RBX1: variants seen among roughly 807,000 people sequenced by gnomAD.
RBX1 encodes E3 ubiquitin-protein ligase RBX1.
For synonymous variants in RBX1, 48 were observed against 47.9 expected (o/e 1.00, Z -0.01); for missense variants, 46 against 141.4 (o/e 0.33, Z 3.42).
chr22:40,953,662 G>A (rs1167567276), intron 2 of RBX1, 29 bp downstream of exon 2: 4 of 1,464,668 alleles, frequency 2.7e-6, no homozygotes, highest in East Asian at 2.3e-5. Context: ...ATGGGAGGAA[G>A]TTGAGAAGGT....
chr22:40,954,289 A>G (rs1278742716), intron 2 of RBX1, among the ~76,000 whole-genome samples: 1 of 151,072 alleles, frequency 6.6e-6, no homozygotes, highest in African/African-American at 2.4e-5. Context: ...AAAAAAGTCT[A>G]TCTGATCTAA....
chr22:40,955,068 T>C (rs2058321615), intron 2 of RBX1, among the ~76,000 whole-genome samples: 1 of 152,064 alleles, frequency 6.6e-6, no homozygotes, highest in African/African-American at 2.4e-5. Flanking sequence ...ATTACAAGCA[T>C]AAGCCACCAT....
chr22:40,961,338 G>A (rs987135691), intron 2 of RBX1, among the ~76,000 whole-genome samples: 2 of 150,840 alleles, frequency 1.3e-5, no homozygotes, highest in African/African-American at 4.9e-5. Flanking sequence ...TGCTGCCTTG[G>A]CCTCCCAAAG....
At position 40,951,482 on chromosome 22, in the gene RBX1, G is replaced by A. The variant is rs757942950; in HGVS notation, c.78+6G>A. The A allele has an allele frequency of 6.2e-7, 1 of 1,612,738 alleles. No individual in the cohort carries two copies. Among genetic ancestry groups the A allele is most frequent in the South Asian group, 1.1e-5 (1 of 90,970 alleles). On this transcript the variant is annotated splice_donor_region_variant and intron_variant, in intron 1 of 4. Transcript: ENST00000216225. ...AGCGCTTTGAAGTGAAAAAGGTTGG[G>A]TCTCGCCAGCGCCTTCCTCAGGGAA...
At chr22:40,965,797 G>A (rs2058352887) in intron 3 of RBX1, among the ~76,000 whole-genome samples, 1 of 152,170 alleles carries the variant, frequency 6.6e-6, no homozygotes, top group Non-Finnish European at 1.5e-5. Flanking sequence ...CCTTTGGCCA[G>A]GCTCACAATA....
intron 4 of RBX1, among the ~76,000 whole-genome samples, chr22:40,970,180 A>AC (rs1416642052): frequency 2.6e-5 from 4 of 151,414 alleles, no homozygotes; most frequent in East Asian, 1.9e-4. Context: ...ACATGGTGAA[A>AC]CCCCCTCTCT....
At position 40,972,476 on chromosome 22, in the gene RBX1, G is replaced by A. The variant is rs2058371669; in HGVS notation, c.315G>A (p.Lys105=). The A allele has an allele frequency of 6.2e-7, 1 of 1,606,676 alleles. No homozygotes were observed. Among genetic ancestry groups the A allele is most frequent in the East Asian group, 2.2e-5 (1 of 44,832 alleles). The change falls in exon 5 of 5, where the codon AAG becomes AAA. Residue 105 remains lysine, a splice_region_variant and synonymous_variant. Transcript: ENST00000216225. ...CAGAGTAATTTACTTTGTCTTTCAG[G>A]TATGGGCACTAGGAAAAGACTTCTT... ...PLDNREWEFQ[K]YGH
At chr22:40,953,750 G>A (rs2058317650) in intron 2 of RBX1, 117 bp downstream of exon 2, 2 of 706,712 alleles carry the variant, frequency 2.8e-6, no homozygotes, top group East Asian at 2.8e-5. Flanking sequence ...CTGAGCACTC[G>A]GTCTTCTGTA....
At chr22:40,969,324 A>G (rs981058013) in intron 4 of RBX1, among the ~76,000 whole-genome samples, 6 of 152,340 alleles carry the variant, frequency 3.9e-5, no homozygotes, top group Admixed American at 6.5e-5. Context: ...GTCAGTCCCT[A>G]TTGGTGGACA....
intron 2 of RBX1, among the ~76,000 whole-genome samples, chr22:40,960,751 C>T (rs1330683344): frequency 6.6e-6 from 1 of 151,836 alleles, no homozygotes; most frequent in African/African-American, 2.4e-5. Flanking sequence ...CTGCATAGAC[C>T]CTAGATCCCT....
intron 2 of RBX1, among the ~76,000 whole-genome samples, chr22:40,954,521 A>G (rs754440339): frequency 1.3e-4 from 20 of 152,208 alleles, no homozygotes; most frequent in Non-Finnish European, 2.5e-4. Flanking sequence ...CTGTCCTTAC[A>G]GTAGAAGGGA....
intron 1 of RBX1, among the ~76,000 whole-genome samples, chr22:40,952,073 G>A (rs2058312632): frequency 6.6e-6 from 1 of 152,030 alleles, no homozygotes; most frequent in Non-Finnish European, 1.5e-5. Context: ...ACGTCTGTTG[G>A]CTTTTCACAC....
rs183045378 is a variant in RBX1, at chr22:40,972,828, A to T, written c.*340A>T. 7.8e-5 allele frequency: 16 copies of T among 204,752 alleles called. No individual in the cohort carries two copies. The Admixed American group carries it at 8.4e-4, about 11-fold the overall frequency. The allele number at this position is 204,752 out of a possible 1,614,324, so 12.7% of individuals were successfully genotyped here. A position where few individuals can be genotyped will look rare whatever the true frequency, so the allele number is the denominator to read the frequency against. On this transcript the variant is annotated 3_prime_UTR_variant, in exon 5 of 5. Coordinates refer to ENST00000216225, the MANE Select transcript of RBX1 (RefSeq NM_014248.4). Reference sequence around the variant, plus strand: ...TAGTGACGAGGAATCCAACAGCTCAAGGCAGAGTGTGGATCACCGGCTCCC... The same window carrying T: ...TAGTGACGAGGAATCCAACAGCTCATGGCAGAGTGTGGATCACCGGCTCCC...
intron 4 of RBX1, among the ~76,000 whole-genome samples, chr22:40,969,688 C>G (rs2058363430): frequency 1.3e-5 from 2 of 152,030 alleles, no homozygotes. Context: ...AGTTTGAGAC[C>G]AGCCTGGCCC....
chr22:40,971,815 C>A (rs542792652), intron 4 of RBX1, among the ~76,000 whole-genome samples: 84 of 152,124 alleles, frequency 5.5e-4, no homozygotes, highest in South Asian at 6.2e-4. Flanking sequence ...CCTCAGCCCC[C>A]CAAAGTGCTG....
At chr22:40,967,373 C>G (rs140552987) in intron 3 of RBX1, 2,733 of 156,878 alleles carry the variant, frequency 0.017, 38 homozygotes, top group South Asian at 0.045. Context: ...TCCTACAGGT[C>G]GCATTCTCCA....
At chr22:40,956,945 G>A (rs2058327240) in intron 2 of RBX1, among the ~76,000 whole-genome samples, 1 of 152,054 alleles carries the variant, frequency 6.6e-6, no homozygotes, top group Non-Finnish European at 1.5e-5. Flanking sequence ...TGAGGCAGGA[G>A]AATGGCGTGA....
intron 3 of RBX1, chr22:40,967,506 G>T: frequency 4.4e-6 from 1 of 228,680 alleles, no homozygotes; most frequent in Non-Finnish European, 8.7e-6. Context: ...ATGGGACCAA[G>T]GAGCCACATT....
At chr22:40,965,523 C>CT (rs942566535) in intron 3 of RBX1, among the ~76,000 whole-genome samples, 5 of 151,886 alleles carry the variant, frequency 3.3e-5, no homozygotes, top group African/African-American at 1.2e-4. Context: ...TTACTGCAAC[C>CT]TTTATCTCCT....
Sources: gnomAD v4.1 joint callset for allele counts (sites outside exome capture counted in the v4.1 genomes callset) on GRCh38, gnomAD v4.1.1 for gene constraint, MANE v1.5 for transcripts, NCBI Gene and HGNC (gene_info 2026-07-23, HGNC 2026-07-21) for gene names.